USP4: variants seen among roughly 807,000 people sequenced by gnomAD.
USP4 encodes ubiquitin specific peptidase 4, also known as ubiquitin carboxyl-terminal hydrolase 4.
A neutral mutation model predicts 118.2 loss-of-function variants in USP4; 72 were observed. The observed-to-expected ratio is 0.61, with a 90% CI of 0.50 to 0.74. The LOEUF is 0.74. Ranked by LOEUF, USP4 falls within the 30% of genes least tolerant of loss-of-function variation. USP4 has a pLI of 0.00. For missense variants in USP4, 1,037 were observed against 1,185.7 expected, an observed-to-expected ratio of 0.87 and a Z score of 1.84; for synonymous variants, 415 against 440.4, an observed-to-expected ratio of 0.94 and a Z score of 0.72.
chr3:49,327,537 T>C (rs1201508740), intron 3 of USP4, 149 bp downstream of exon 3: 3 of 810,654 alleles, frequency 3.7e-6, no homozygotes, highest in East Asian at 5.7e-5. Flanking sequence ...AGACTCCATC[T>C]CAAAAAAAAA....
intron 7 of USP4, 59 bp downstream of exon 7, chr3:49,311,455 A>G (rs760793089): frequency 9.2e-5 from 146 of 1,588,410 alleles, no homozygotes; most frequent in Non-Finnish European, 1.2e-4. Flanking sequence ...TGAGCTCTCA[A>G]GATACAGCCT....
At chr3:49,315,567 GA>G (rs1203250744) in intron 6 of USP4, among the ~76,000 whole-genome samples, 1 of 152,084 alleles carries the variant, frequency 6.6e-6, no homozygotes, top group African/African-American at 2.4e-5. Context: ...ATCTCACTCT[GA>G]TTTGTGACTG....
chr3:49,299,340 G>A (rs571489391), intron 11 of USP4, among the ~76,000 whole-genome samples: 5 of 151,158 alleles, frequency 3.3e-5, no homozygotes, highest in South Asian at 2.1e-4. Context: ...TGCCCGCCTC[G>A]GCCTCCTGAA....
At chr3:49,294,662 C>G in intron 13 of USP4, 64 bp from the exon 14 acceptor site, 1 of 1,513,434 alleles carries the variant, frequency 6.6e-7, no homozygotes, top group East Asian at 2.3e-5. Flanking sequence ...GAGATCTGAG[C>G]TGAAGCTATG....
At chr3:49,328,486 T>C (rs764082005) in intron 2 of USP4, among the ~76,000 whole-genome samples, 1 of 152,176 alleles carries the variant, frequency 6.6e-6, no homozygotes. Flanking sequence ...TCACCAGACA[T>C]AGATTCCATC....
At chr3:49,305,984 C>T in intron 8 of USP4, 96 bp from the exon 9 acceptor site, 1 of 1,261,498 alleles carries the variant, frequency 7.9e-7, no homozygotes, top group Non-Finnish European at 1.1e-6. Context: ...GGGACAACGC[C>T]AACAAAATGA....
intron 8 of USP4, among the ~76,000 whole-genome samples, chr3:49,308,361 C>T (rs1223729247): frequency 6.6e-6 from 1 of 152,022 alleles, no homozygotes; most frequent in Non-Finnish European, 1.5e-5. Context: ...ACACTGTCAC[C>T]CAGGCTGGAG....
intron 6 of USP4, chr3:49,317,481 A>ATT (rs745708443): frequency 2.1e-4 from 97 of 454,308 alleles, no homozygotes; most frequent in South Asian, 5.5e-4. Flanking sequence ...GGGGCCCCCT[A>ATT]TTTTTTTTTT....
Position 49,278,826 on chromosome 3 carries a change from C to T in USP4, c.2721G>A (p.Glu907=), listed in dbSNP as rs773068951. Residue 907 remains glutamate, a synonymous_variant, in exon 21 of 22, where the codon GAG becomes GAA. Transcript: ENST00000265560. ...FDDSNVSLAS[E]DQIVTKAAYV... Reference sequence around the variant, plus strand: ...ATGGCCTACTCACCACTATCTGATCCTCAGAGGCCAGGGACACGTTGCTAT... The same window carrying T: ...ATGGCCTACTCACCACTATCTGATCTTCAGAGGCCAGGGACACGTTGCTAT... 27 of 1,611,256 alleles carry T rather than the reference C, an allele frequency of 1.7e-5. No individual in the cohort carries two copies. Among genetic ancestry groups the T allele is most frequent in the Non-Finnish European group, 2.3e-5 (27 of 1,178,560 alleles).
Position 49,325,035 on chromosome 3 carries a change from G to T in USP4, c.492C>A (p.Thr164=). ...ATAGCTTCCGCATCTCTTTCTCGAT[G>T]GTTGCTAGGAACAGGCAGAAATATC... The part of the protein sequence containing the change: ...CHFSKADTIA[T]IEKEMRKLFN... The change falls in exon 5 of 22, where the codon ACC becomes ACA. Residue 164 remains threonine, a synonymous_variant. Transcript: ENST00000265560. 6.2e-7 allele frequency: 1 copy of T among 1,612,710 alleles called. No homozygotes were observed. The highest frequency in any genetic ancestry group is 8.5e-7 in the Non-Finnish European group (1 of 1,179,588).
intron 6 of USP4, chr3:49,312,644 T>C (rs1559474194): frequency 2.8e-6 from 1 of 362,982 alleles, no homozygotes; most frequent in Non-Finnish European, 5.5e-6. Flanking sequence ...ATAAAGAAAT[T>C]AGCCAGGCAT....
chr3:49,307,232 G>C (rs1300842957), intron 8 of USP4, among the ~76,000 whole-genome samples: 2 of 151,788 alleles, frequency 1.3e-5, no homozygotes, highest in African/African-American at 4.8e-5. Flanking sequence ...TGGATCACTT[G>C]AGGCCAGGAG....
chr3:49,329,318 T>A (rs2047589680), intron 2 of USP4, among the ~76,000 whole-genome samples: 1 of 152,206 alleles, frequency 6.6e-6, no homozygotes, highest in Admixed American at 6.6e-5. Context: ...GTTGAAGTCA[T>A]CCGTAAGTGT....
intron 1 of USP4, among the ~76,000 whole-genome samples, chr3:49,338,420 G>A (rs552303968): frequency 1.3e-5 from 2 of 152,084 alleles, no homozygotes; most frequent in South Asian, 4.2e-4. Context: ...AGCACTTTGG[G>A]AGGCCACAGC....
chr3:49,326,159 A>G (rs558354688), intron 3 of USP4, among the ~76,000 whole-genome samples: 97 of 152,144 alleles, frequency 6.4e-4, no homozygotes, highest in Admixed American at 2.3e-3. Flanking sequence ...TCTATGAAAA[A>G]TACAAAAATT....
At chr3:49,283,938 T>C in intron 19 of USP4, 49 bp downstream of exon 19, 1 of 1,603,742 alleles carries the variant, frequency 6.2e-7, no homozygotes, top group Non-Finnish European at 8.5e-7. Flanking sequence ...GTGCCAAGAT[T>C]TTCTGCCTGT....
intron 13 of USP4, among the ~76,000 whole-genome samples, chr3:49,295,671 T>A (rs1487716575): frequency 6.7e-6 from 1 of 150,028 alleles, no homozygotes; most frequent in Non-Finnish European, 1.5e-5. Flanking sequence ...ACTTACTGAT[T>A]CAAATTTTGA....
intron 15 of USP4, 40 bp from the exon 16 acceptor site, chr3:49,286,365 A>G (rs2047090898): frequency 6.3e-7 from 1 of 1,587,980 alleles, no homozygotes; most frequent in Non-Finnish European, 8.6e-7. Context: ...ATAATTTCCT[A>G]CCATTTCAAT....
intron 6 of USP4, chr3:49,316,881 T>C: frequency 1.7e-6 from 1 of 599,348 alleles, no homozygotes; most frequent in East Asian, 2.8e-5. Context: ...ACCCTCCCCA[T>C]AGCCTGTGTG....
Sources: allele counts gnomAD v4.1 joint callset (sites outside exome capture counted in the v4.1 genomes callset), GRCh38; gene constraint gnomAD v4.1.1; transcripts MANE v1.5; gene names NCBI Gene and HGNC (gene_info 2026-07-23, HGNC 2026-07-21).